ADAM33: variants seen among roughly 807,000 people sequenced by gnomAD.
ADAM33 encodes the protein disintegrin and metalloproteinase domain-containing protein 33.
In ADAM33, 103 loss-of-function variants were observed where a neutral mutation model predicts 106.2. That is an observed-to-expected ratio of 0.97 (90% confidence interval 0.83 to 1.14). ADAM33 has a LOEUF of 1.14. ADAM33 is among the 50% of genes most tolerant of loss of function. The pLI is 0.00. For synonymous variants in ADAM33, 483 were observed against 453.0 expected (o/e 1.07, Z -0.84); for missense variants, 1,120 against 1,096.6 (o/e 1.02, Z -0.30).
chr20:3,681,897 C>T lies in ADAM33; in HGVS notation c.97+11G>A, dbSNP rs1485997735. The stretch of plus-strand genomic sequence containing the variant: ...CCTGCCCCTCAGGGCGCACCCCGCC[C>T]GCGTCCTCACCTTGAAGCACCCCGG... On this transcript the variant is annotated intron_variant, in intron 1 of 21. Coordinates refer to ENST00000356518, the MANE Select transcript of ADAM33 (RefSeq NM_025220.5). The T allele has an allele frequency of 3.1e-6, 5 of 1,594,630 alleles. No individual in the cohort carries two copies. The highest frequency in any genetic ancestry group is 4.3e-6 in the Non-Finnish European group (5 of 1,171,892).
intron 3 of ADAM33, among the ~76,000 whole-genome samples, chr20:3,676,268 A>G (rs1454910273): frequency 6.7e-6 from 1 of 148,794 alleles, no homozygotes; most frequent in Non-Finnish European, 1.5e-5. Flanking sequence ...ACTGAGCACC[A>G]AAATGGCCTT....
At position 3,671,363 on chromosome 20, in the gene ADAM33, G is replaced by C; in HGVS notation, c.1984-18C>G. 6.2e-7 allele frequency: 1 copy of C among 1,612,462 alleles called. No individual in the cohort carries two copies. The highest frequency in any genetic ancestry group is 8.5e-7 in the Non-Finnish European group (1 of 1,178,782). ...TTGCAAACCTGCAGAGAAGAGAAGA[G>C]GAGGGTCACGTAGGATTAGGAACCC... On this transcript the variant is annotated intron_variant, in intron 17 of 21. Coordinates refer to ENST00000356518, the MANE Select transcript of ADAM33 (RefSeq NM_025220.5).
At chr20:3,673,313 A>C (rs1330482578) in intron 11 of ADAM33, 41 bp downstream of exon 11, 6 of 1,535,256 alleles carry the variant, frequency 3.9e-6, no homozygotes, top group Admixed American at 2.0e-5. Context: ...AGTCCCCAGG[A>C]CTAGCCGCCC....
intron 19 of ADAM33, 27 bp from the exon 20 acceptor site, chr20:3,669,664 G>A: frequency 1.3e-6 from 2 of 1,580,612 alleles, no homozygotes; most frequent in Non-Finnish European, 1.7e-6. Flanking sequence ...GAGTCCAGGA[G>A]GTTGGCACAG....
In ADAM33 at chr20:3,671,656, C is replaced by A. The variant is rs767180479; in HGVS notation, c.1830G>T (p.Leu610Phe). 6 of 1,578,922 alleles carry A rather than the reference C, an allele frequency of 3.8e-6. No individual in the cohort carries two copies. In the African/African-American group the frequency reaches 8.1e-5, roughly 21 times the overall value. The change falls in exon 16 of 22, where the codon TTG (leucine) becomes TTT (phenylalanine). Residue 610 changes from leucine (L) to phenylalanine (F), a missense_variant. Transcript: ENST00000356518. ...GGTCCAGCTGGGCACTGGGGAGTGC[C>A]AAGGCTCCCCGACAAGTCACTTCCT... ...DGQEVTCRGA[L>F]ALPSAQLDLL...
Position 3,672,748 on chromosome 20 carries a change from G to T in ADAM33, c.1284C>A (p.Gly428=). ...ALCGNGFVEA[G]EECDCGPGQE... is the part of the protein sequence containing the mutation. The stretch of plus-strand genomic sequence containing the variant: ...GGCCAGGGCCGCAGTCACACTCCTC[G>T]CCCGCTTCCACGAAGCCGTTCCCGC... Residue 428 remains glycine, a synonymous_variant, in exon 12 of 22, where the codon GGC becomes GGA. Transcript: ENST00000356518. 1.9e-6 allele frequency: 3 copies of T among 1,568,348 alleles called. No individual in the cohort carries two copies. The highest frequency in any genetic ancestry group is 4.6e-5 in the East Asian group (2 of 43,560).
rs2087643139 is a variant in ADAM33, at chr20:3,672,885, G to A, written c.1147C>T (p.Arg383Cys). The A allele has an allele frequency of 1.9e-6, 3 of 1,572,718 alleles. No individual in the cohort carries two copies. The highest frequency in any genetic ancestry group is 2.6e-6 in the Non-Finnish European group (3 of 1,169,040). Residue 383 changes from arginine (R) to cysteine (C), a missense_variant, in exon 12 of 22, where the codon CGC becomes TGC. Physicochemically the swap from Arg to Cys is radical, Grantham distance 180. Transcript: ENST00000356518. ...MAAATGHPFP[R>C]VFSACSRRQL... ...CGGCGGCTGCAGGCGCTGAACACGC[G>A]CGGAAACGGGTGCCTACCGGCACGG...
chr20:3,671,255 C>G lies in ADAM33; in HGVS notation c.2074G>C (p.Gly692Arg). 1 of 1,613,916 alleles carries G rather than the reference C, an allele frequency of 6.2e-7. No homozygotes were observed. Among genetic ancestry groups the G allele is most frequent in the Non-Finnish European group, 8.5e-7 (1 of 1,179,962 alleles). Residue 692 changes from glycine (G) to arginine (R), a missense_variant, in exon 18 of 22, where the codon GGC (glycine) becomes CGC (arginine). Coordinates refer to ENST00000356518, the MANE Select transcript of ADAM33 (RefSeq NM_025220.5). ...GGCATACTTTCAGCCTGCACAGGGC[C>G]ACTGTCCATGCTGCCACCAAAGCCT... ...KPGFGGSMDS[G>R]PVQAENHDTF...
At chr20:3,673,242 T>C in intron 11 of ADAM33, 112 bp downstream of exon 11, 1 of 1,533,878 alleles carries the variant, frequency 6.5e-7, no homozygotes, top group Non-Finnish European at 8.7e-7. Flanking sequence ...GACACTATGA[T>C]CATTATCCCC....
At chr20:3,676,418 C>CTT (rs373160767) in intron 3 of ADAM33, among the ~76,000 whole-genome samples, 5 of 147,110 alleles carry the variant, frequency 3.4e-5, no homozygotes, top group African/African-American at 1.2e-4. Flanking sequence ...TCTTTTCTTT[C>CTT]TTTTTTTTTT....
rs1431399728 is a variant in ADAM33, at chr20:3,670,984, G to A, written c.2240+22C>T. The A allele has an allele frequency of 3.3e-6, 5 of 1,533,088 alleles. No homozygotes were observed. In the South Asian group the frequency reaches 6.1e-5, roughly 19 times the overall value. The allele number at this position is 1,533,088 out of a possible 1,614,324, so 95.0% of individuals were successfully genotyped here. On this transcript the variant is annotated intron_variant, in intron 19 of 21. Transcript: ENST00000356518. ...AGGGGAACCGCAGGAGTAGGCTCAGGAAGCAGGCGCTCGGAGCCTACCCAC... is the reference window on the plus strand; with the variant it reads ...AGGGGAACCGCAGGAGTAGGCTCAGAAAGCAGGCGCTCGGAGCCTACCCAC...
At position 3,668,953 on chromosome 20, in the gene ADAM33, G is replaced by A. The variant is rs202190276; in HGVS notation, c.*10C>T. On this transcript the variant is annotated 3_prime_UTR_variant, in exon 22 of 22. Transcript: ENST00000356518. ...CTGTCTTTAAATCTGTTCATTTTAGGAGCTACCTCTCACCAGAGGCAGGAT... is the reference window on the plus strand; with the variant it reads ...CTGTCTTTAAATCTGTTCATTTTAGAAGCTACCTCTCACCAGAGGCAGGAT... 2.0e-5 allele frequency: 33 copies of A among 1,613,610 alleles called. No homozygotes were observed. The highest frequency in any genetic ancestry group is 2.6e-5 in the Non-Finnish European group (31 of 1,179,820).
At position 3,671,471 on chromosome 20, in the gene ADAM33, T is replaced by C. The variant is rs1219456554; in HGVS notation, c.1931A>G (p.Lys644Arg). Residue 644 changes from lysine to arginine, a missense_variant, in exon 17 of 22, where the codon AAG becomes AGG. Coordinates refer to ENST00000356518, the MANE Select transcript of ADAM33 (RefSeq NM_025220.5). ...GCGCTGAAGCTCCTGGAAGGCATTC[T>C]TCCTGCAGCGCCTGCTCTGGCACAC... ...RMVCQSRRCRKNAFQELQRCL... is the reference protein window; with the variant it reads ...RMVCQSRRCRRNAFQELQRCL... 6.2e-7 allele frequency: 1 copy of C among 1,611,408 alleles called. No homozygotes were observed. Among genetic ancestry groups the C allele is most frequent in the East Asian group, 2.2e-5 (1 of 44,836 alleles).
In ADAM33 at chr20:3,671,238, T is replaced by G. The variant is rs151211990; in HGVS notation, c.2091A>C (p.Glu697Asp). 1.2e-6 allele frequency: 2 copies of G among 1,613,630 alleles called. No homozygotes were observed. The highest frequency in any genetic ancestry group is 2.7e-5 in the African/African-American group (2 of 74,934). ...GSMDSGPVQA[E>D]NHDTFLLAML... The stretch of plus-strand genomic sequence containing the variant: ...CCCACATGCCCCCCACTGGCATACT[T>G]TCAGCCTGCACAGGGCCACTGTCCA... Residue 697 changes from glutamate to aspartate, a missense_variant and splice_region_variant, in exon 18 of 22, where the codon GAA (glutamate) becomes GAC (aspartate). Physicochemically the swap from Glu to Asp is conservative, Grantham distance 45. Coordinates refer to ENST00000356518, the MANE Select transcript of ADAM33 (RefSeq NM_025220.5).
intron 2 of ADAM33, among the ~76,000 whole-genome samples, 155 bp from the exon 3 acceptor site, chr20:3,677,298 G>C (rs575124651): frequency 6.6e-6 from 1 of 152,344 alleles, no homozygotes; most frequent in South Asian, 2.1e-4. Flanking sequence ...GGAGGGCGTG[G>C]AGGAGGTGAG....
Position 3,672,882 on chromosome 20 carries a change from C to A in ADAM33, c.1150G>T (p.Val384Leu), listed in dbSNP as rs1481742958. 2 of 1,573,676 alleles carry A rather than the reference C, an allele frequency of 1.3e-6. No homozygotes were observed. The highest frequency in any genetic ancestry group is 2.3e-5 in the East Asian group (1 of 44,076). ...AAATGHPFPR[V>L]FSACSRRQLR... is the part of the protein sequence containing the mutation. ...TGGCGGCGGCTGCAGGCGCTGAACACGCGCGGAAACGGGTGCCTACCGGCA... is the reference window on the plus strand; with the variant it reads ...TGGCGGCGGCTGCAGGCGCTGAACAAGCGCGGAAACGGGTGCCTACCGGCA... Residue 384 changes from valine (V) to leucine (L), a missense_variant, in exon 12 of 22, where the codon GTG becomes TTG. Val to Leu is a conservative substitution (Grantham distance 32). Transcript: ENST00000356518.
At chr20:3,673,287 G>A in intron 11 of ADAM33, 67 bp downstream of exon 11, 1 of 1,534,524 alleles carries the variant, frequency 6.5e-7, no homozygotes, top group South Asian at 1.2e-5. Flanking sequence ...GACGACCAAA[G>A]AAACGCAGCG....
intron 11 of ADAM33, 125 bp downstream of exon 11, chr20:3,673,222 CCCTGAAG>C (rs2087676247): frequency 6.5e-7 from 1 of 1,533,494 alleles, no homozygotes; most frequent in Non-Finnish European, 8.7e-7. Context: ...TCATAAACCA[CCCTGAAG>C]CGGACACTAT....
intron 6 of ADAM33, 36 bp downstream of exon 6, chr20:3,674,468 C>G: frequency 1.2e-6 from 2 of 1,609,382 alleles, no homozygotes; most frequent in South Asian, 2.2e-5. Flanking sequence ...GCTATAGATA[C>G]AGCATTCCCA....
Sources: allele counts gnomAD v4.1 joint callset (sites outside exome capture counted in the v4.1 genomes callset), GRCh38; gene constraint gnomAD v4.1.1; transcripts MANE v1.5; gene names NCBI Gene and HGNC (gene_info 2026-07-23, HGNC 2026-07-21).